ADSS1: variants seen among roughly 807,000 people sequenced by gnomAD.
ADSS1 encodes adenylosuccinate synthetase isozyme 1.
ADSS1 carries 57 observed loss-of-function variants against 59.1 expected under a neutral mutation model. The ratio of observed to expected loss-of-function variants is 0.97; its 90% CI spans 0.78 to 1.20. The LOEUF (loss-of-function observed/expected upper bound fraction) is 1.20. Among genes scored for constraint, ADSS1 ranks in the 50% most tolerant of loss-of-function variants. The pLI, the probability that ADSS1 is intolerant of heterozygous loss-of-function variation, is 0.00. For synonymous variants in ADSS1, 247 were observed against 249.4 expected, an observed-to-expected ratio of 0.99 and a Z score of 0.09; for missense variants, 603 against 610.3, an observed-to-expected ratio of 0.99 and a Z score of 0.13.
In ADSS1 at chr14:104,735,033, C is replaced by T. The variant is rs1891065408; in HGVS notation, c.206C>T (p.Ala69Val). Residue 69 changes from alanine to valine, a missense_variant, in exon 2 of 13, where the codon GCC (alanine) becomes GTC (valine). Ala to Val is a moderately conservative substitution (Grantham distance 64). Transcript: ENST00000330877. ...IISRCQGGNN[A>V]GHTVVVDGKE... ...TTTCTGTTCCAGGGGGGCAACAACG[C>T]CGGCCACACGGTGGTGGTGGATGGG... 1 of 1,612,998 alleles carries T rather than the reference C, an allele frequency of 6.2e-7. No homozygotes were observed. The highest frequency in any genetic ancestry group is 1.3e-5 in the African/African-American group (1 of 74,946).
intron 1 of ADSS1, among the ~76,000 whole-genome samples, chr14:104,728,856 C>T (rs940744787): frequency 6.6e-6 from 1 of 152,294 alleles, no homozygotes; most frequent in East Asian, 1.9e-4. Context: ...GAGGTGCAAA[C>T]AGCCACTCCA....
chr14:104,740,218 T>C lies in ADSS1; in HGVS notation c.477-383T>C, dbSNP rs1322700219. On this transcript the variant is annotated intron_variant, in intron 5 of 12. Coordinates refer to ENST00000330877, the MANE Select transcript of ADSS1 (RefSeq NM_152328.5). This position sits in a 1 kb window ranked among gnomAD's most constrained non-coding sequence, Gnocchi z 4.8. ...TGAGTGTCCTGCCTCAGAGAGGTGA[T>C]GGTCACACACTTACCCACTCACACT... Among the ~76,000 whole-genome samples, 2 of 152,076 alleles carry C rather than the reference T, an allele frequency of 1.3e-5. No individual in the cohort carries two copies. The highest frequency in any genetic ancestry group is 1.9e-4 in the East Asian group (1 of 5,182).
At chr14:104,745,514 C>T (rs1219581791) in intron 11 of ADSS1, 1 of 153,104 alleles carries the variant, frequency 6.5e-6, no homozygotes, top group African/African-American at 2.4e-5. Context: ...ATGGCTTCCT[C>T]CTCAGCAGCC....
rs780116723 is a variant in ADSS1, at chr14:104,744,806, C to T, written c.1074-6C>T. On this transcript the variant is annotated splice_region_variant and splice_polypyrimidine_tract_variant and intron_variant, in intron 10 of 12. Coordinates refer to ENST00000330877, the MANE Select transcript of ADSS1 (RefSeq NM_152328.5). ...TGGGTTTGCCCGGCCCCTTGGCTTTCCACAGGCTGGCCCTGACGAAGCTGG... is the reference window on the plus strand; with the variant it reads ...TGGGTTTGCCCGGCCCCTTGGCTTTTCACAGGCTGGCCCTGACGAAGCTGG... The T allele has an allele frequency of 1.5e-5, 24 of 1,613,996 alleles. No individual in the cohort carries two copies. Among genetic ancestry groups the T allele is most frequent in the South Asian group, 3.3e-5 (3 of 91,076 alleles).
chr14:104,744,891 A>C lies in ADSS1; in HGVS notation c.1153A>C (p.Arg385=). ...VGVSYKLNGK[R]IPYFPANQEM... Reference sequence around the variant, plus strand: ...TGTCTCATACAAGCTGAACGGGAAAAGGATTCCCTATTTCCCAGGTATGTG... The same window carrying C: ...TGTCTCATACAAGCTGAACGGGAAACGGATTCCCTATTTCCCAGGTATGTG... Residue 385 remains arginine, a synonymous_variant, in exon 11 of 13, where the codon AGG becomes CGG. Coordinates refer to ENST00000330877, the MANE Select transcript of ADSS1 (RefSeq NM_152328.5). 1 of 1,614,020 alleles carries C rather than the reference A, an allele frequency of 6.2e-7. No homozygotes were observed. Among genetic ancestry groups the C allele is most frequent in the Non-Finnish European group, 8.5e-7 (1 of 1,179,958 alleles).
intron 4 of ADSS1, 140 bp from the exon 5 acceptor site, chr14:104,739,610 C>T (rs752490718): frequency 1.7e-5 from 17 of 1,020,220 alleles, no homozygotes; most frequent in Non-Finnish European, 2.2e-5. Context: ...CTCATGGTCA[C>T]ACCCCAGTTT....
chr14:104,735,454 C>G (rs1481584559), intron 2 of ADSS1, among the ~76,000 whole-genome samples: 2 of 152,242 alleles, frequency 1.3e-5, no homozygotes, highest in Admixed American at 6.5e-5. Flanking sequence ...GGAGACCACA[C>G]GCCCATGTGC....
chr14:104,736,453 T>G (rs980602842), intron 2 of ADSS1, among the ~76,000 whole-genome samples: 2 of 152,212 alleles, frequency 1.3e-5, no homozygotes, highest in African/African-American at 4.8e-5. Context: ...ACCCTGAGCT[T>G]GCAACACTCC....
chr14:104,746,598 C>T (rs1891569818), intron 12 of ADSS1, among the ~76,000 whole-genome samples: 1 of 152,202 alleles, frequency 6.6e-6, no homozygotes, highest in Non-Finnish European at 1.5e-5. Flanking sequence ...CCTGCCTCTC[C>T]GCATCCAGAA....
chr14:104,725,572 T>G (rs935025049), intron 1 of ADSS1, among the ~76,000 whole-genome samples: 1 of 152,118 alleles, frequency 6.6e-6, no homozygotes, highest in African/African-American at 2.4e-5. Context: ...AAGTTCTTCC[T>G]GGAACAGTGG....
intron 1 of ADSS1, among the ~76,000 whole-genome samples, chr14:104,726,040 A>G (rs573989402): frequency 6.6e-6 from 1 of 152,136 alleles, no homozygotes; most frequent in South Asian, 2.1e-4. Flanking sequence ...AGCACGGAGG[A>G]TGCAGCAGGC....
chr14:104,734,274 G>A (rs1211154026), intron 1 of ADSS1, among the ~76,000 whole-genome samples: 1 of 152,228 alleles, frequency 6.6e-6, no homozygotes, highest in Non-Finnish European at 1.5e-5. Flanking sequence ...CTGGACCTGT[G>A]CCCTGCTGAG....
intron 1 of ADSS1, among the ~76,000 whole-genome samples, chr14:104,728,397 G>A (rs779236046): frequency 2.0e-5 from 3 of 152,120 alleles, no homozygotes; most frequent in Non-Finnish European, 4.4e-5. Context: ...CACCAGTCCC[G>A]GGCAGCTGAG....
intron 8 of ADSS1, 49 bp downstream of exon 8, chr14:104,741,292 G>A (rs2140812748): frequency 1.3e-6 from 2 of 1,517,086 alleles, no homozygotes; most frequent in South Asian, 2.7e-5. Context: ...GCCTGCCAGG[G>A]AAGACCCAGC....
intron 2 of ADSS1, among the ~76,000 whole-genome samples, chr14:104,736,486 T>G (rs1490410798): frequency 6.6e-6 from 1 of 152,190 alleles, no homozygotes; most frequent in East Asian, 1.9e-4. Context: ...CGTGTTTATT[T>G]CAGGATGCCG....
At chr14:104,725,946 G>A (rs1042196614) in intron 1 of ADSS1, among the ~76,000 whole-genome samples, 1 of 152,220 alleles carries the variant, frequency 6.6e-6, no homozygotes, top group Non-Finnish European at 1.5e-5. Flanking sequence ...CCCAGCTGTG[G>A]AGATGGTTCT....
intron 1 of ADSS1, among the ~76,000 whole-genome samples, chr14:104,729,472 A>G (rs1235365605): frequency 7.2e-6 from 1 of 139,694 alleles, no homozygotes; most frequent in Non-Finnish European, 1.6e-5. Context: ...TGTCAGCAGC[A>G]TGGCGTCGGC....
chr14:104,744,970 G>C, intron 11 of ADSS1, 61 bp downstream of exon 11: 2 of 1,493,466 alleles, frequency 1.3e-6, no homozygotes, highest in Non-Finnish European at 1.9e-6. Flanking sequence ...GGAATAGATA[G>C]GACCTGTGAC....
intron 1 of ADSS1, among the ~76,000 whole-genome samples, chr14:104,734,373 A>G (rs1034608762): frequency 6.6e-6 from 1 of 152,206 alleles, no homozygotes; most frequent in African/African-American, 2.4e-5. Context: ...CTGGCACAAG[A>G]GGCCCTTGGG....
Sources: gnomAD v4.1 joint callset for allele counts (sites outside exome capture counted in the v4.1 genomes callset) on GRCh38, gnomAD v4.1.1 for gene constraint, Gnocchi (gnomAD v3.1) non-coding constraint, MANE v1.5 for transcripts, NCBI Gene and HGNC (gene_info 2026-07-23, HGNC 2026-07-21) for gene names.